LAMB4: variants seen among roughly 807,000 people sequenced by gnomAD.
LAMB4 encodes the protein laminin subunit beta-4.
In LAMB4, 196 loss-of-function variants were observed where a neutral mutation model predicts 199.2. The observed-to-expected ratio is 0.98, with a 90% CI of 0.88 to 1.11. The LOEUF is 1.11. Ranked by LOEUF, LAMB4 falls within the 50% of genes least tolerant of loss-of-function variation. LAMB4 has a pLI of 0.00. For missense variants in LAMB4, 2,080 were observed against 2,171.2 expected, an observed-to-expected ratio of 0.96 and a Z score of 0.83; for synonymous variants, 744 against 770.6, an observed-to-expected ratio of 0.97 and a Z score of 0.57.
intron 8 of LAMB4, among the ~76,000 whole-genome samples, chr7:108,105,356 A>C (rs2037963910): frequency 6.6e-6 from 1 of 152,224 alleles, no homozygotes; most frequent in Non-Finnish European, 1.5e-5. Flanking sequence ...CTTAGCATTG[A>C]CTACAGGGTC....
chr7:108,071,038 T>C (rs2036516555), intron 17 of LAMB4, among the ~76,000 whole-genome samples: 1 of 152,174 alleles, frequency 6.6e-6, no homozygotes, highest in African/African-American at 2.4e-5. Context: ...AGTGTCCCAT[T>C]GGTAACTCCT....
rs767659672 is a variant in LAMB4, at chr7:108,065,886, TGAA to T, written c.2709_2711del (p.Ser904del). ...ACAGGCAAGGACGACAGGGCTGTCC[TGAA>T]GAAGGATTTCCATAGTAACCATCAA... On this transcript the variant is annotated inframe_deletion, in exon 21 of 34. Transcript: ENST00000388781. 1.2e-6 allele frequency: 2 copies of T among 1,614,036 alleles called. No homozygotes were observed. Among genetic ancestry groups the T allele is most frequent in the Middle Eastern group, 1.6e-4 (1 of 6,062 alleles).
intron 31 of LAMB4, among the ~76,000 whole-genome samples, chr7:108,033,735 A>ATTTTTTTTTTTTTTTT: frequency 9.8e-6 from 1 of 102,078 alleles, no homozygotes; most frequent in African/African-American, 3.3e-5. Context: ...TTGGATGAGT[A>ATTTTTTTTTTTTTTTT]TTTTTTTTTT....
rs2038182124 is a variant in LAMB4, at chr7:108,110,448, G to A, written c.329-1204C>T. On this transcript the variant is annotated intron_variant, in intron 4 of 33. Coordinates refer to ENST00000388781, the MANE Select transcript of LAMB4 (RefSeq NM_007356.3). The stretch of plus-strand genomic sequence containing the variant: ...TTAGACACATTTCAACTGCTCACAC[G>A]GGACAGTATGGCTCCAGACGAAAGC... 3.9e-5 allele frequency among the ~76,000 whole-genome samples: 6 copies of A among 152,310 alleles called. No homozygotes were observed. The South Asian group carries it at 1.0e-3, about 26-fold the overall frequency.
In LAMB4 at chr7:108,072,930, C is replaced by G. The variant is rs2036581862; in HGVS notation, c.2125-3045G>C. 2.6e-5 allele frequency among the ~76,000 whole-genome samples: 4 copies of G among 152,316 alleles called. No homozygotes were observed. The South Asian group carries it at 8.3e-4, about 32-fold the overall frequency. Reference sequence around the variant, plus strand: ...GCAGCCAACCAGAGATAATTTACAGCTCTTGGTCTGAGCCATTGATAGTTG... The same window carrying G: ...GCAGCCAACCAGAGATAATTTACAGGTCTTGGTCTGAGCCATTGATAGTTG... On this transcript the variant is annotated intron_variant, in intron 17 of 33. Transcript: ENST00000388781.
chr7:108,031,628 C>T (rs2035045208), intron 31 of LAMB4, among the ~76,000 whole-genome samples: 2 of 151,742 alleles, frequency 1.3e-5, no homozygotes, highest in Non-Finnish European at 2.9e-5. Flanking sequence ...TTTTTTTTCA[C>T]CTTATACAAA....
chr7:108,087,615 G>T (rs541608439), intron 14 of LAMB4, among the ~76,000 whole-genome samples: 9 of 152,202 alleles, frequency 5.9e-5, no homozygotes, highest in Admixed American at 3.9e-4. Flanking sequence ...CTCTGCCACT[G>T]ATGCCAGCAC....
chr7:108,074,891 C>T (rs900569034), intron 17 of LAMB4, among the ~76,000 whole-genome samples: 3 of 152,054 alleles, frequency 2.0e-5, no homozygotes, highest in Admixed American at 6.5e-5. Flanking sequence ...TTTAGTACAG[C>T]GTCAAGTGAT....
intron 29 of LAMB4, among the ~76,000 whole-genome samples, chr7:108,038,377 G>A (rs2035302331): frequency 6.6e-6 from 1 of 152,152 alleles, no homozygotes; most frequent in African/African-American, 2.4e-5. Context: ...TGGCCAGGAT[G>A]GTCTCGATCT....
At position 108,026,137 on chromosome 7, in the gene LAMB4, G is replaced by A. The variant is rs578233467; in HGVS notation, c.5147-1959C>T. Among the ~76,000 whole-genome samples the A allele has an allele frequency of 5.9e-5, 9 of 152,218 alleles. No homozygotes were observed. The East Asian group carries it at 1.2e-3, about 20-fold the overall frequency. ...CTTCCCTGGCCCCTTCAGGTGTAGA[G>A]AGGCTAATGCCTTCTCACTGCTGCT... On this transcript the variant is annotated intron_variant, in intron 33 of 33. Transcript: ENST00000388781.
At chr7:108,101,488 T>C (rs2037813054) in intron 10 of LAMB4, among the ~76,000 whole-genome samples, 1 of 152,204 alleles carries the variant, frequency 6.6e-6, no homozygotes, top group Non-Finnish European at 1.5e-5. Flanking sequence ...AATGATCTTG[T>C]TGCTTGCTAT....
chr7:108,102,981 A>G, intron 10 of LAMB4, 63 bp downstream of exon 10: 3 of 1,425,022 alleles, frequency 2.1e-6, no homozygotes, highest in Non-Finnish European at 2.9e-6. Context: ...GGGCAGCCCC[A>G]GTAAGATCAA....
intron 23 of LAMB4, among the ~76,000 whole-genome samples, chr7:108,058,779 C>T (rs968869024): frequency 6.6e-6 from 1 of 152,210 alleles, no homozygotes; most frequent in African/African-American, 2.4e-5. Flanking sequence ...ATCTCAACCT[C>T]CCAAGTAGCT....
At chr7:108,107,888 A>C in intron 5 of LAMB4, 69 bp from the exon 6 acceptor site, 1 of 1,093,322 alleles carries the variant, frequency 9.1e-7, no homozygotes, top group South Asian at 1.6e-5. Context: ...CAGATTGAAT[A>C]TTTGTATTTT....
intron 29 of LAMB4, among the ~76,000 whole-genome samples, chr7:108,042,393 A>T (rs1218692606): frequency 2.0e-5 from 3 of 151,844 alleles, no homozygotes; most frequent in Non-Finnish European, 4.4e-5. Flanking sequence ...ATAAGAGGAC[A>T]GGCTCTATGA....
chr7:108,123,256 A>G lies in LAMB4; in HGVS notation c.-33-59T>C, dbSNP rs142345306. The stretch of plus-strand genomic sequence containing the variant: ...TAGAAGAAATAATTGCCATCATCAC[A>G]TGTTATGTAAAAGTGCTTAGGGTTA... On this transcript the variant is annotated intron_variant, in intron 1 of 33. Transcript: ENST00000388781. 2,000 of 1,074,190 alleles carry G rather than the reference A, an allele frequency of 1.9e-3. 23 individuals carry two copies. In the African/African-American group the frequency reaches 0.028, roughly 15 times the overall value. The allele number at this position is 1,074,190 out of a possible 1,614,324, so 66.5% of individuals were successfully genotyped here.
intron 23 of LAMB4, among the ~76,000 whole-genome samples, chr7:108,060,886 T>G (rs1257749498): frequency 6.6e-6 from 1 of 152,220 alleles, no homozygotes; most frequent in Non-Finnish European, 1.5e-5. Context: ...TTAAGTAGGT[T>G]GCACATAGTG....
chr7:108,066,341 A>T (rs781194819), intron 20 of LAMB4, 28 bp downstream of exon 20: 1 of 1,550,408 alleles, frequency 6.4e-7, no homozygotes, highest in Non-Finnish European at 8.9e-7. Context: ...TAAAGACCTA[A>T]AAATTAAAGT....
intron 1 of LAMB4, among the ~76,000 whole-genome samples, chr7:108,129,378 A>G (rs1454721446): frequency 6.6e-6 from 1 of 152,224 alleles, no homozygotes; most frequent in East Asian, 1.9e-4. Flanking sequence ...TTTCTGGTAC[A>G]CAAATAATTG....
Sources: gnomAD v4.1 joint callset for allele counts (sites outside exome capture counted in the v4.1 genomes callset) on GRCh38, gnomAD v4.1.1 for gene constraint, MANE v1.5 for transcripts, NCBI Gene and HGNC (gene_info 2026-07-23, HGNC 2026-07-21) for gene names.